Variants in PCDHA7 observed in about 807,000 individuals in gnomAD.
PCDHA7 encodes protocadherin alpha 7.
In PCDHA7, 37 loss-of-function variants were observed where a neutral mutation model predicts 57.2. The ratio of observed to expected loss-of-function variants is 0.65; its 90% CI spans 0.50 to 0.85. PCDHA7 has a LOEUF of 0.85. Ranked by LOEUF, PCDHA7 falls within the 40% of genes least tolerant of loss-of-function variation. The pLI is 0.00. For synonymous variants in PCDHA7, 553 were observed against 558.8 expected, an observed-to-expected ratio of 0.99 and a Z score of 0.15; for missense variants, 1,188 against 1,241.8, an observed-to-expected ratio of 0.96 and a Z score of 0.65.
chr5:140,959,085 G>A (rs1286885776), intron 1 of PCDHA7, among the ~76,000 whole-genome samples: 8 of 151,980 alleles, frequency 5.3e-5, no homozygotes, highest in African/African-American at 1.9e-4. Flanking sequence ...ATTATCCTTG[G>A]TTTCGGACAT....
chr5:140,959,493 A>C (rs533403086), intron 1 of PCDHA7, among the ~76,000 whole-genome samples: 3 of 152,280 alleles, frequency 2.0e-5, no homozygotes, highest in South Asian at 2.1e-4. Context: ...TTATATATGG[A>C]TCAAACTAAA....
intron 3 of PCDHA7, among the ~76,000 whole-genome samples, chr5:140,997,092 A>C (rs2097758868): frequency 6.6e-6 from 1 of 152,160 alleles, no homozygotes; most frequent in South Asian, 2.1e-4. Flanking sequence ...GAAAGTGCAG[A>C]GTTCTCATGC....
intron 1 of PCDHA7, among the ~76,000 whole-genome samples, chr5:140,855,428 G>A (rs1039152755): frequency 4.7e-5 from 7 of 149,940 alleles, no homozygotes; most frequent in African/African-American, 1.7e-4. Context: ...AAATTCTAGT[G>A]ATGACTAGAT....
chr5:140,972,399 T>C (rs1554234105), intron 1 of PCDHA7, among the ~76,000 whole-genome samples: 2 of 152,062 alleles, frequency 1.3e-5, no homozygotes, highest in South Asian at 2.1e-4. Context: ...TGCTTCACTA[T>C]TGGCAAACCC....
chr5:140,936,037 C>A (rs2090734622), intron 1 of PCDHA7, among the ~76,000 whole-genome samples: 2 of 151,862 alleles, frequency 1.3e-5, no homozygotes, highest in Non-Finnish European at 1.5e-5. Flanking sequence ...GGATTACAGG[C>A]ACCCACCACC....
intron 1 of PCDHA7, chr5:140,861,590 GA>G: frequency 2.7e-6 from 1 of 372,284 alleles, no homozygotes; most frequent in South Asian, 2.5e-5. Flanking sequence ...ATGTGGAGGT[GA>G]AAGTGAAGAA....
chr5:140,997,668 TTGTGTGTG>T (rs35184029), intron 3 of PCDHA7, among the ~76,000 whole-genome samples: 1 of 148,244 alleles, frequency 6.7e-6, no homozygotes, highest in Non-Finnish European at 1.5e-5. Context: ...ATTATACAGC[TTGTGTGTG>T]TGTGTGTGTG....
intron 1 of PCDHA7, among the ~76,000 whole-genome samples, chr5:140,974,181 A>G (rs1361812242): frequency 3.9e-5 from 6 of 152,226 alleles, no homozygotes; most frequent in Non-Finnish European, 8.8e-5. Context: ...TAACTTGACA[A>G]ATGCAAAGGA....
intron 2 of PCDHA7, 101 bp downstream of exon 2, chr5:140,979,108 A>G: frequency 6.6e-7 from 1 of 1,526,122 alleles, no homozygotes; most frequent in African/African-American, 1.4e-5. Flanking sequence ...AAAACTAAAA[A>G]GCTTTAGGTA....
chr5:140,838,003 A>T lies in PCDHA7; in HGVS notation c.2355+1265A>T, dbSNP rs2150281807. Among the ~76,000 whole-genome samples, 108 of 151,040 alleles carry T rather than the reference A, an allele frequency of 7.2e-4. 1 individual carries two copies. Among genetic ancestry groups the T allele is most frequent in the East Asian group, 2.3e-3 (12 of 5,140 alleles). On this transcript the variant is annotated intron_variant, in intron 1 of 3. Coordinates refer to ENST00000525929, the MANE Select transcript of PCDHA7 (RefSeq NM_018910.3). ...CTGCCTTTCATCTTTCCTTTTTTTTAAAAAAAGAAGTGATTACAGTAGAAA... is the reference window on the plus strand; with the variant it reads ...CTGCCTTTCATCTTTCCTTTTTTTTTAAAAAAGAAGTGATTACAGTAGAAA...
chr5:140,971,922 G>A (rs1433994919), intron 1 of PCDHA7, among the ~76,000 whole-genome samples: 1 of 152,120 alleles, frequency 6.6e-6, no homozygotes, highest in Admixed American at 6.5e-5. Context: ...CACACTGCTA[G>A]TGTTATTTTA....
intron 1 of PCDHA7, among the ~76,000 whole-genome samples, chr5:140,925,082 AAAGG>A (rs138596875): frequency 0.022 from 3,184 of 147,344 alleles, 79 homozygotes; most frequent in African/African-American, 0.064. Flanking sequence ...GCTCATCTGG[AAAGG>A]AAGGAAGGAA....
At chr5:140,883,406 G>T (rs782181791) in intron 1 of PCDHA7, 3 of 1,614,156 alleles carry the variant, frequency 1.9e-6, no homozygotes, top group Non-Finnish European at 1.7e-6. Context: ...TCGTGACTCT[G>T]GCTCAAATGG....
At chr5:140,885,985 G>A (rs879977606) in intron 1 of PCDHA7, among the ~76,000 whole-genome samples, 3 of 152,110 alleles carry the variant, frequency 2.0e-5, no homozygotes, top group Admixed American at 2.0e-4. Context: ...AGATTCGCAT[G>A]TGGTTGAAAG....
At chr5:140,993,226 T>G (rs1554253487) in intron 3 of PCDHA7, among the ~76,000 whole-genome samples, 1 of 152,204 alleles carries the variant, frequency 6.6e-6, no homozygotes, top group Non-Finnish European at 1.5e-5. Context: ...TTTGGTATGT[T>G]CTCTCTGAAT....
chr5:140,913,167 T>C (rs1232000053), intron 1 of PCDHA7, among the ~76,000 whole-genome samples: 1 of 152,196 alleles, frequency 6.6e-6, no homozygotes, highest in Non-Finnish European at 1.5e-5. Flanking sequence ...TTGGTATTAG[T>C]TCTTCTTTAA....
rs2150264019 is a variant in PCDHA7 at position 140,836,559 on chromosome 5, C to T, written c.2176C>T (p.Pro726Ser). ...GTACACGGCGTTGCGGTGCTCAGCG[C>T]CGTCCTCTGAGGGCGCATGTAGTTT... ...LLYTALRCSA[P>S]SSEGACSLVK... Residue 726 changes from proline (P) to serine (S), a missense_variant, in exon 1 of 4, where the codon CCG becomes TCG. This residue lies in a region of PCDHA7 where 892 missense variants were observed against 788.5 expected (regional missense o/e 1.13). Coordinates refer to ENST00000525929, the MANE Select transcript of PCDHA7 (RefSeq NM_018910.3). The T allele has an allele frequency of 2.8e-5, 45 of 1,613,622 alleles. No individual in the cohort carries two copies. Among genetic ancestry groups the T allele is most frequent in the Non-Finnish European group, 3.6e-5 (43 of 1,179,846 alleles).
Position 140,983,978 on chromosome 5 carries a change from G to A in PCDHA7, c.2503+1415G>A, listed in dbSNP as rs529150173. Among the ~76,000 whole-genome samples the A allele has an allele frequency of 5.3e-5, 8 of 152,266 alleles. No individual in the cohort carries two copies. The South Asian group carries it at 1.5e-3, about 28-fold the overall frequency. Reference sequence around the variant, plus strand: ...AGTCACATTTGTCCAAAAAATATACGAGTTGAAGCAATTCATTAGAGAGCT... The same window carrying A: ...AGTCACATTTGTCCAAAAAATATACAAGTTGAAGCAATTCATTAGAGAGCT... On this transcript the variant is annotated intron_variant, in intron 3 of 3. Transcript: ENST00000525929.
chr5:140,885,049 A>T (rs1001120267), intron 1 of PCDHA7, among the ~76,000 whole-genome samples: 56 of 152,352 alleles, frequency 3.7e-4, no homozygotes, highest in African/African-American at 1.2e-3. Context: ...TTTAATGTAT[A>T]CATATACCCA....
Sources: allele counts gnomAD v4.1 joint callset (sites outside exome capture counted in the v4.1 genomes callset), GRCh38; gene constraint gnomAD v4.1.1; regional missense constraint gnomAD v4.1.1; transcripts MANE v1.5; gene names NCBI Gene and HGNC (gene_info 2026-07-23, HGNC 2026-07-21).